Variants in KLF12 observed in about 807,000 individuals in gnomAD.
KLF12 encodes Krueppel-like factor 12.
A neutral mutation model predicts 37.8 loss-of-function variants in KLF12; 9 were observed. The observed-to-expected ratio is 0.24, with a 90% CI of 0.14 to 0.42. The LOEUF (loss-of-function observed/expected upper bound fraction) is 0.42. Among genes scored for constraint, KLF12 ranks in the 10% least tolerant of loss-of-function variants. The probability of loss-of-function intolerance (pLI) is 1.00; values close to 1 mark genes in which losing one functional copy is unlikely to be tolerated. For synonymous variants in KLF12, 208 were observed against 202.1 expected, an observed-to-expected ratio of 1.03 and a Z score of -0.25; for missense variants, 411 against 516.0, an observed-to-expected ratio of 0.80 and a Z score of 1.97.
chr13:74,145,180 TAGAC>T, the KLF12 span, among the ~76,000 whole-genome samples: 1 of 152,180 alleles, frequency 6.6e-6, no homozygotes, highest in African/African-American at 2.4e-5. Context: ...TGAAGGTAAC[TAGAC>T]AAAAGTCAGG....
At chr13:73,730,665 C>T (rs535937828) in intron 6 of KLF12, among the ~76,000 whole-genome samples, 2 of 151,552 alleles carry the variant, frequency 1.3e-5, no homozygotes, top group Non-Finnish European at 2.9e-5. Context: ...ATAGAGGACA[C>T]CAACAAATAA....
chr13:74,293,001 T>C, the KLF12 span, among the ~76,000 whole-genome samples: 1 of 152,124 alleles, frequency 6.6e-6, no homozygotes, highest in Non-Finnish European at 1.5e-5. Flanking sequence ...AACTCTTAAG[T>C]TCTTTAGGAC....
At chr13:74,188,204 G>A in the KLF12 span, among the ~76,000 whole-genome samples, 3 of 152,182 alleles carry the variant, frequency 2.0e-5, no homozygotes, top group Non-Finnish European at 1.5e-5. Context: ...TTAAGTATCC[G>A]AATTAGTGTA....
rs183882119 is a variant in KLF12, at chr13:73,686,473, G to A, written c.*9017C>T. The A allele has an allele frequency of 1.8e-3, 278 of 152,650 alleles. No individual in the cohort carries two copies. Among genetic ancestry groups the A allele is most frequent in the Non-Finnish European group, 3.4e-3 (228 of 68,004 alleles). 9.5% of individuals were successfully genotyped at this position (152,650 alleles called of 1,614,324 possible). The stretch of plus-strand genomic sequence containing the variant: ...ACATAATATTAATAAACTTATAACA[G>A]GGTTGCCTAAACACTACAGAGTATA... On this transcript the variant is annotated 3_prime_UTR_variant, in exon 8 of 8. Coordinates refer to ENST00000377669, the MANE Select transcript of KLF12 (RefSeq NM_007249.5).
intron 5 of KLF12, among the ~76,000 whole-genome samples, chr13:73,807,070 G>A (rs11842301): frequency 0.19 from 29,430 of 152,146 alleles, 3,436 homozygotes; most frequent in East Asian, 0.45. Context: ...CGCTTTGGAA[G>A]GCCGAGGTGG....
At chr13:73,839,942 GCT>G (rs1297960120) in intron 4 of KLF12, among the ~76,000 whole-genome samples, 2 of 152,180 alleles carry the variant, frequency 1.3e-5, no homozygotes, top group Non-Finnish European at 2.9e-5. Context: ...TGCCTCTCCA[GCT>G]CTCATTCCAT....
At chr13:73,719,191 A>T (rs1339119433) in intron 6 of KLF12, among the ~76,000 whole-genome samples, 1 of 152,200 alleles carries the variant, frequency 6.6e-6, no homozygotes, top group Non-Finnish European at 1.5e-5. Context: ...AGGGAACCAG[A>T]AGTGCAGAAG....
chr13:74,133,329 C>A (rs943048623), intron 1 of KLF12, among the ~76,000 whole-genome samples: 2 of 151,858 alleles, frequency 1.3e-5, no homozygotes, highest in Non-Finnish European at 2.9e-5. Flanking sequence ...CCCCTCCCCC[C>A]CAAGTTCAGC....
At chr13:73,791,498 T>C (rs1209489514) in intron 5 of KLF12, among the ~76,000 whole-genome samples, 1 of 152,234 alleles carries the variant, frequency 6.6e-6, no homozygotes, top group Non-Finnish European at 1.5e-5. Context: ...GCTGTTCTCC[T>C]AGGGTAAAAC....
chr13:74,000,072 T>A (rs1892233944), intron 1 of KLF12, among the ~76,000 whole-genome samples: 1 of 152,176 alleles, frequency 6.6e-6, no homozygotes, highest in Non-Finnish European at 1.5e-5. Flanking sequence ...CCACTTTTTT[T>A]AAAGCTAAGA....
intron 3 of KLF12, among the ~76,000 whole-genome samples, chr13:73,881,379 T>A (rs559046824): frequency 1.3e-5 from 2 of 152,256 alleles, no homozygotes; most frequent in East Asian, 3.9e-4. Context: ...TTGTAATTAA[T>A]ATAAAGGAGC....
At chr13:73,881,831 T>G (rs1388158858) in intron 3 of KLF12, among the ~76,000 whole-genome samples, 1 of 152,186 alleles carries the variant, frequency 6.6e-6, no homozygotes, top group African/African-American at 2.4e-5. Flanking sequence ...CACAAGATCA[T>G]GAATGCTCTT....
At chr13:73,873,177 G>A (rs1886552596) in intron 3 of KLF12, among the ~76,000 whole-genome samples, 1 of 151,890 alleles carries the variant, frequency 6.6e-6, no homozygotes, top group Non-Finnish European at 1.5e-5. Flanking sequence ...TATTTGACCA[G>A]TTTTGCTCTC....
At chr13:73,966,830 C>T (rs1891183201) in intron 2 of KLF12, among the ~76,000 whole-genome samples, 1 of 152,186 alleles carries the variant, frequency 6.6e-6, no homozygotes, top group Non-Finnish European at 1.5e-5. Flanking sequence ...TATTCCAAAA[C>T]ATGCAGCTGA....
chr13:74,154,785 G>C, the KLF12 span, among the ~76,000 whole-genome samples: 22 of 152,298 alleles, frequency 1.4e-4, no homozygotes, highest in African/African-American at 5.3e-4. Flanking sequence ...CCGTCATCAT[G>C]GGATCTCTGC....
intron 3 of KLF12, among the ~76,000 whole-genome samples, chr13:73,900,675 A>G (rs1887997011): frequency 6.6e-6 from 1 of 152,144 alleles, no homozygotes. Context: ...TTGTTTCTCC[A>G]ACACCACAAT....
At chr13:73,709,712 C>A (rs1293378899) in intron 7 of KLF12, among the ~76,000 whole-genome samples, 1 of 152,142 alleles carries the variant, frequency 6.6e-6, no homozygotes, top group Non-Finnish European at 1.5e-5. Context: ...ATGGATTTGA[C>A]ATATCTTGGT....
At chr13:74,058,277 T>C (rs1356766349) in intron 1 of KLF12, among the ~76,000 whole-genome samples, 1 of 148,816 alleles carries the variant, frequency 6.7e-6, no homozygotes, top group African/African-American at 2.5e-5. Flanking sequence ...AGCTATATAA[T>C]CTTTGATAAG....
intron 7 of KLF12, among the ~76,000 whole-genome samples, chr13:73,706,246 G>A (rs762742167): frequency 1.2e-3 from 186 of 152,190 alleles, no homozygotes; most frequent in Non-Finnish European, 2.3e-3. Context: ...ACAGAATTAT[G>A]AAACACAACT....
Sources: gnomAD v4.1 joint callset for allele counts (sites outside exome capture counted in the v4.1 genomes callset) on GRCh38, gnomAD v4.1.1 for gene constraint, MANE v1.5 for transcripts, NCBI Gene and HGNC (gene_info 2026-07-23, HGNC 2026-07-21) for gene names.